CFB: variants seen among roughly 807,000 people sequenced by gnomAD.
The protein encoded by CFB is complement factor B.
A neutral mutation model predicts 97.2 loss-of-function variants in CFB; 59 were observed. That is an observed-to-expected ratio of 0.61 (90% CI 0.49 to 0.75). The LOEUF is 0.75. Ranked by LOEUF, CFB falls within the 30% of genes least tolerant of loss-of-function variation. The probability of loss-of-function intolerance (pLI) is 0.00; values close to 1 mark genes in which losing one functional copy is unlikely to be tolerated. For synonymous variants in CFB, 316 were observed against 351.7 expected (o/e 0.90, Z 1.14); for missense variants, 771 against 959.8 (o/e 0.80, Z 2.60).
At chr6:31,950,255 G>C (rs1235056910) in intron 11 of CFB, 31 bp from the exon 12 acceptor site, 1 of 1,609,160 alleles carries the variant, frequency 6.2e-7, no homozygotes, top group Admixed American at 1.7e-5. Context: ...TGTGAAAGTT[G>C]AGCTTTCCCT....
rs1771428018 is a variant in CFB at position 31,946,438 on chromosome 6, A to T, written c.130A>T (p.Ile44Phe). ...ATCCTGCTCTCTGGAGGGGGTAGAGATCAAAGGCGGCTCCTTCCGACTTCT... is the reference window on the plus strand; with the variant it reads ...ATCCTGCTCTCTGGAGGGGGTAGAGTTCAAAGGCGGCTCCTTCCGACTTCT... ...QGSCSLEGVE[I>F]KGGSFRLLQE... The change falls in exon 2 of 18, where the codon ATC becomes TTC. Residue 44 changes from isoleucine to phenylalanine, a missense_variant. Physicochemically the swap from Ile to Phe is conservative, Grantham distance 21. Transcript: ENST00000425368. This position sits in a 1 kb window ranked among gnomAD's most constrained non-coding sequence, Gnocchi z 6.4. 2 of 1,612,814 alleles carry T rather than the reference A, an allele frequency of 1.2e-6. No individual in the cohort carries two copies. Among genetic ancestry groups the T allele is most frequent in the Non-Finnish European group, 1.7e-6 (2 of 1,180,012 alleles).
Position 31,951,129 on chromosome 6 carries a change from A to G in CFB, c.1856-15A>G. On this transcript the variant is annotated splice_polypyrimidine_tract_variant and intron_variant, in intron 14 of 17. Coordinates refer to ENST00000425368, the MANE Select transcript of CFB (RefSeq NM_001710.6). The surrounding 1 kb of genome is among the most constrained non-coding windows in gnomAD (Gnocchi z 4.3). ...GTGGTGGGAGCAGCTGAAGTGACGC[A>G]GTCTATTCGTCCAGAGGAAGAGCTG... 1.2e-6 allele frequency: 2 copies of G among 1,611,866 alleles called. No individual in the cohort carries two copies. The highest frequency in any genetic ancestry group is 1.7e-6 in the Non-Finnish European group (2 of 1,179,080).
At chr6:31,949,134 CAACT>C in intron 8 of CFB, 105 bp from the exon 9 acceptor site, 1 of 1,427,428 alleles carries the variant, frequency 7.0e-7, no homozygotes, top group South Asian at 1.2e-5. Context: ...GCCCTGTGAT[CAACT>C]ATCTCTAACC....
rs1278686677 is a variant in CFB, at chr6:31,946,742, C to A, written c.298+136C>A. ...GTAGGAGCAGTTTTAGGGTGGCAGGCGGAAAGGGGGCAAGAAAAAGCGGAG... is the reference window on the plus strand; with the variant it reads ...GTAGGAGCAGTTTTAGGGTGGCAGGAGGAAAGGGGGCAAGAAAAAGCGGAG... On this transcript the variant is annotated intron_variant, in intron 2 of 17. Coordinates refer to ENST00000425368, the MANE Select transcript of CFB (RefSeq NM_001710.6). This position sits in a 1 kb window ranked among gnomAD's most constrained non-coding sequence, Gnocchi z 6.4. The A allele has an allele frequency of 1.1e-6, 1 of 898,762 alleles. No individual in the cohort carries two copies. The highest frequency in any genetic ancestry group is 1.8e-6 in the Non-Finnish European group (1 of 565,826). 55.7% of individuals were successfully genotyped at this position (898,762 alleles called of 1,614,324 possible). A position where few individuals can be genotyped will look rare whatever the true frequency, so the allele number is the denominator to read the frequency against.
Position 31,947,964 on chromosome 6 carries a change from G to T in CFB, c.780G>T (p.Lys260Asn). ...ACCCAGGGGAACAACAGAAGCGGAA[G>T]ATCGTCCTGGACCCTTCAGGCTCCA... ...GHGPGEQQKRKIVLDPSGSMN... is the reference protein window; with the variant it reads ...GHGPGEQQKRNIVLDPSGSMN... Residue 260 changes from lysine (K) to asparagine (N), a missense_variant, in exon 6 of 18, where the codon AAG (lysine) becomes AAT (asparagine). Lys to Asn is a moderately conservative substitution (Grantham distance 94). Coordinates refer to ENST00000425368, the MANE Select transcript of CFB (RefSeq NM_001710.6). The surrounding 1 kb of genome is among the most constrained non-coding windows in gnomAD (Gnocchi z 5.3). 6.2e-7 allele frequency: 1 copy of T among 1,614,216 alleles called. No individual in the cohort carries two copies. The highest frequency in any genetic ancestry group is 8.5e-7 in the Non-Finnish European group (1 of 1,180,040).
At position 31,949,405 on chromosome 6, in the gene CFB, C is replaced by T. The variant is rs1191636698; in HGVS notation, c.1271-15C>T. The T allele has an allele frequency of 1.9e-6, 3 of 1,614,092 alleles. No homozygotes were observed. The highest frequency in any genetic ancestry group is 2.2e-5 in the South Asian group (2 of 91,094). On this transcript the variant is annotated splice_polypyrimidine_tract_variant and intron_variant, in intron 9 of 17. Transcript: ENST00000425368. Reference sequence around the variant, plus strand: ...CTCAGGGCTTGGACCCTCATCCTTCCTTTTTATCCCTCAGATGTCTATGTG... The same window carrying T: ...CTCAGGGCTTGGACCCTCATCCTTCTTTTTTATCCCTCAGATGTCTATGTG...
rs761009228 is a variant in CFB, at chr6:31,946,619, TGA to T, written c.298+15_298+16del. 3.1e-6 allele frequency: 5 copies of T among 1,602,604 alleles called. No homozygotes were observed. The highest frequency in any genetic ancestry group is 4.2e-6 in the Non-Finnish European group (5 of 1,178,382). On this transcript the variant is annotated intron_variant, in intron 2 of 17. Coordinates refer to ENST00000425368, the MANE Select transcript of CFB (RefSeq NM_001710.6). The surrounding 1 kb of genome is among the most constrained non-coding windows in gnomAD (Gnocchi z 6.4). ...GCAGAGTGCAGAGGTTTGAGGGCAA[TGA>T]GTGTGGGCAGTGGCCTAAGGCAGAA...
rs752408852 is a variant in CFB at position 31,951,566 on chromosome 6, G to A, written c.2101G>A (p.Gly701Ser). Residue 701 changes from glycine (G) to serine (S), a missense_variant, in exon 17 of 18, where the codon GGC becomes AGC. Gly to Ser is a moderately conservative substitution (Grantham distance 56). Transcript: ENST00000425368. The surrounding 1 kb of genome is among the most constrained non-coding windows in gnomAD (Gnocchi z 4.3). ...TCCTCTCCTTGCAGGTGATTCTGGCGGCCCCTTGATAGTTCACAAGAGAAG... is the reference window on the plus strand; with the variant it reads ...TCCTCTCCTTGCAGGTGATTCTGGCAGCCCCTTGATAGTTCACAAGAGAAG... Reference protein sequence around the residue: ...DPNTCRGDSGGPLIVHKRSRF... With the variant: ...DPNTCRGDSGSPLIVHKRSRF... The A allele has an allele frequency of 1.2e-5, 19 of 1,614,150 alleles. No homozygotes were observed. The highest frequency in any genetic ancestry group is 1.6e-4 in the Middle Eastern group (1 of 6,062).
At position 31,947,956 on chromosome 6, in the gene CFB, A is replaced by G; in HGVS notation, c.772A>G (p.Lys258Glu). 1 of 1,614,218 alleles carries G rather than the reference A, an allele frequency of 6.2e-7. No individual in the cohort carries two copies. Among genetic ancestry groups the G allele is most frequent in the Non-Finnish European group, 8.5e-7 (1 of 1,180,040 alleles). ...CTCCTGGCACCCAGGGGAACAACAG[A>G]AGCGGAAGATCGTCCTGGACCCTTC... ...EDGHGPGEQQKRKIVLDPSGS... is the reference protein window; with the variant it reads ...EDGHGPGEQQERKIVLDPSGS... Residue 258 changes from lysine (K) to glutamate (E), a missense_variant, in exon 6 of 18, where the codon AAG (lysine) becomes GAG (glutamate). Physicochemically the swap from Lys to Glu is moderately conservative, Grantham distance 56. Transcript: ENST00000425368. This position sits in a 1 kb window ranked among gnomAD's most constrained non-coding sequence, Gnocchi z 5.3.
chr6:31,951,603 A>G lies in CFB; in HGVS notation c.2138A>G (p.Gln713Arg), dbSNP rs919108211. The change falls in exon 17 of 18, where the codon CAA becomes CGA. Residue 713 changes from glutamine to arginine, a missense_variant and splice_region_variant. By Grantham distance (43) the Gln-to-Arg change is conservative (BLOSUM62 1). Coordinates refer to ENST00000425368, the MANE Select transcript of CFB (RefSeq NM_001710.6). The surrounding 1 kb of genome is among the most constrained non-coding windows in gnomAD (Gnocchi z 4.3). ...LIVHKRSRFI[Q>R]VGVISWGVVD... ...GTTCACAAGAGAAGTCGTTTCATTC[A>G]AGTGAGTCCTCCCTTTCCTATCTGG... 18 of 1,614,052 alleles carry G rather than the reference A, an allele frequency of 1.1e-5. No individual in the cohort carries two copies. Among genetic ancestry groups the G allele is most frequent in the Non-Finnish European group, 1.4e-5 (17 of 1,180,034 alleles).
At chr6:31,948,187 A>T in intron 6 of CFB, 106 bp downstream of exon 6, 1 of 1,535,064 alleles carries the variant, frequency 6.5e-7, no homozygotes, top group South Asian at 1.2e-5. Context: ...CCCCAGGAAA[A>T]TCTCCAGGTC....
Position 31,948,495 on chromosome 6 carries a change from A to T in CFB, c.1019A>T (p.Asn340Ile). 8 of 1,614,204 alleles carry T rather than the reference A, an allele frequency of 5.0e-6. No homozygotes were observed. The highest frequency in any genetic ancestry group is 6.8e-6 in the Non-Finnish European group (8 of 1,180,038). Reference sequence around the variant, plus strand: ...GCAGACTGGGTCACGAAGCAGCTCAATGAAATCAATTATGAAGGTCAGAGG... The same window carrying T: ...GCAGACTGGGTCACGAAGCAGCTCATTGAAATCAATTATGAAGGTCAGAGG... Reference protein sequence around the residue: ...SNADWVTKQLNEINYEDHKLK... With the variant: ...SNADWVTKQLIEINYEDHKLK... Residue 340 changes from asparagine to isoleucine, a missense_variant, in exon 7 of 18, where the codon AAT becomes ATT. Physicochemically the swap from Asn to Ile is moderately radical, Grantham distance 149. Coordinates refer to ENST00000425368, the MANE Select transcript of CFB (RefSeq NM_001710.6).
intron 8 of CFB, 101 bp from the exon 9 acceptor site, chr6:31,949,142 T>C: frequency 6.9e-7 from 1 of 1,440,060 alleles, no homozygotes; most frequent in Non-Finnish European, 9.6e-7. Flanking sequence ...ATCAACTATC[T>C]CTAACCCTTC....
In CFB at chr6:31,947,081, G is replaced by T; in HGVS notation, c.373G>T (p.Asp125Tyr). Reference sequence around the variant, plus strand: ...CCGGTCTCCCTACTACAATGTGAGTGATGAGATCTCTTTCCACTGCTATGA... The same window carrying T: ...CCGGTCTCCCTACTACAATGTGAGTTATGAGATCTCTTTCCACTGCTATGA... ...WPRSPYYNVSDEISFHCYDGY... is the reference protein window; with the variant it reads ...WPRSPYYNVSYEISFHCYDGY... The change falls in exon 3 of 18, where the codon GAT becomes TAT. Residue 125 changes from aspartate to tyrosine, a missense_variant. Coordinates refer to ENST00000425368, the MANE Select transcript of CFB (RefSeq NM_001710.6). This position sits in a 1 kb window ranked among gnomAD's most constrained non-coding sequence, Gnocchi z 5.3. The T allele has an allele frequency of 1.9e-6, 3 of 1,613,014 alleles. No homozygotes were observed. Among genetic ancestry groups the T allele is most frequent in the Non-Finnish European group, 2.5e-6 (3 of 1,180,022 alleles).
chr6:31,951,465 C>G lies in CFB; in HGVS notation c.2081C>G (p.Thr694Ser). The G allele has an allele frequency of 6.2e-7, 1 of 1,614,204 alleles. No homozygotes were observed. The highest frequency in any genetic ancestry group is 8.5e-7 in the Non-Finnish European group (1 of 1,180,048). The change falls in exon 16 of 18, where the codon ACT becomes AGT. Residue 694 changes from threonine (T) to serine (S), a missense_variant. Transcript: ENST00000425368. The surrounding 1 kb of genome is among the most constrained non-coding windows in gnomAD (Gnocchi z 4.3). ...GGVSPYADPN[T>S]CRGDSGGPLI... is the part of the protein sequence containing the mutation. ...GTGAGTCCCTATGCTGACCCCAATA[C>G]TTGCAGAGGTGAGAGAATGCTCTTT...
chr6:31,951,845 A>G lies in CFB; in HGVS notation c.2140-30A>G. ...CTTCCAGGATTAGGAATTCTACTGA[A>G]TGATCCATGGCACCCCACTGCCTCT... On this transcript the variant is annotated intron_variant, in intron 17 of 17. Coordinates refer to ENST00000425368, the MANE Select transcript of CFB (RefSeq NM_001710.6). The surrounding 1 kb of genome is among the most constrained non-coding windows in gnomAD (Gnocchi z 4.3). The G allele has an allele frequency of 6.2e-7, 1 of 1,613,172 alleles. No individual in the cohort carries two copies. The highest frequency in any genetic ancestry group is 8.5e-7 in the Non-Finnish European group (1 of 1,180,018).
Position 31,947,592 on chromosome 6 carries a change from C to T in CFB, c.658+71C>T, listed in dbSNP as rs1447220733. ...CTACTGTCTTCTCTCCCCACCTCAA[C>T]CCTGCTCTTTCCTCACTTTGTTTAA... is the stretch of plus-strand genomic sequence containing the variant. On this transcript the variant is annotated intron_variant, in intron 4 of 17. Transcript: ENST00000425368. This position sits in a 1 kb window ranked among gnomAD's most constrained non-coding sequence, Gnocchi z 5.3. 6.2e-7 allele frequency: 1 copy of T among 1,601,042 alleles called. No homozygotes were observed. The highest frequency in any genetic ancestry group is 1.3e-5 in the African/African-American group (1 of 74,710).
rs760291598 is a variant in CFB at position 31,950,653 on chromosome 6, C to G, written c.1659C>G (p.Val553=). 6.2e-7 allele frequency: 1 copy of G among 1,613,028 alleles called. No homozygotes were observed. Among genetic ancestry groups the G allele is most frequent in the East Asian group, 2.2e-5 (1 of 44,884 alleles). Residue 553 remains valine (V), a synonymous_variant, in exon 13 of 18, where the codon GTC becomes GTG. Coordinates refer to ENST00000425368, the MANE Select transcript of CFB (RefSeq NM_001710.6). The part of the protein sequence containing the change: ...GEKRDLEIEV[V]LFHPNYNING... ...AGCGGGACCTGGAGATAGAAGTAGT[C>G]CTATTTCACCCCAACTACAACATTA...
rs1371664114 is a variant in CFB, at chr6:31,952,020, G to A, written c.2285G>A (p.Gly762Asp). The change falls in exon 18 of 18, where the codon GGT becomes GAT. Residue 762 changes from glycine (G) to aspartate (D), a missense_variant. Gly to Asp is a moderately conservative substitution (Grantham distance 94). Coordinates refer to ENST00000425368, the MANE Select transcript of CFB (RefSeq NM_001710.6). ...GAGAAACTCCAAGATGAGGATTTGG[G>A]TTTTCTATAAGGGGTTTCCTGCTGG... is the stretch of plus-strand genomic sequence containing the variant. ...LKEKLQDEDL[G>D]FL 1 of 1,612,790 alleles carries A rather than the reference G, an allele frequency of 6.2e-7. No homozygotes were observed. Among genetic ancestry groups the A allele is most frequent in the African/African-American group, 1.3e-5 (1 of 74,936 alleles).
Sources: gnomAD v4.1 joint callset for allele counts on GRCh38, gnomAD v4.1.1 for gene constraint, Gnocchi (gnomAD v3.1) non-coding constraint, MANE v1.5 for transcripts, NCBI Gene and HGNC (gene_info 2026-07-23, HGNC 2026-07-21) for gene names.